Variants in DCAF5 observed in about 807,000 individuals in gnomAD.
DCAF5 encodes DDB1 and CUL4 associated factor 5.
DCAF5 carries 9 observed loss-of-function variants against 80.7 expected under a neutral mutation model. That is an observed-to-expected ratio of 0.11 (90% CI 0.07 to 0.19). DCAF5 has a LOEUF of 0.19. DCAF5 is among the 10% of genes least tolerant of loss of function. The pLI, the probability that DCAF5 is intolerant of heterozygous loss-of-function variation, is 1.00. For missense variants in DCAF5, 842 were observed against 1,205.7 expected (o/e 0.70, Z 4.47); for synonymous variants, 433 against 461.9 (o/e 0.94, Z 0.80).
intron 5 of DCAF5, among the ~76,000 whole-genome samples, chr14:69,099,960 G>T (rs2039893160): frequency 6.6e-6 from 1 of 151,898 alleles, no homozygotes; most frequent in South Asian, 2.1e-4. Flanking sequence ...TTGCAGAAAA[G>T]AAGTTCAAAA....
Position 69,116,455 on chromosome 14 carries a change from A to G in DCAF5, c.576T>C (p.Ser192=). 6.2e-7 allele frequency: 1 copy of G among 1,613,610 alleles called. No homozygotes were observed. The highest frequency in any genetic ancestry group is 8.5e-7 in the Non-Finnish European group (1 of 1,179,620). ...CLANYPSAFH[S]VMFNPVEPRL... Reference sequence around the variant, plus strand: ...TGGGCTCCACAGGGTTAAACATGACACTATGAAAGGCTGATGGATAGTTTG... The same window carrying G: ...TGGGCTCCACAGGGTTAAACATGACGCTATGAAAGGCTGATGGATAGTTTG... The change falls in exon 5 of 9, where the codon AGT becomes AGC. Residue 192 remains serine (S), a synonymous_variant. Transcript: ENST00000341516.
chr14:69,075,428 T>C lies in DCAF5; in HGVS notation c.880-17A>G. The C allele has an allele frequency of 6.6e-7, 1 of 1,517,856 alleles. No individual in the cohort carries two copies. Among genetic ancestry groups the C allele is most frequent in the South Asian group, 1.2e-5 (1 of 82,372 alleles). 94.0% of individuals were successfully genotyped at this position (1,517,856 alleles called of 1,614,324 possible). The stretch of plus-strand genomic sequence containing the variant: ...AAGGATATACTGTTGGAACAAAAAA[T>C]ATATAGATAACATTATATATTATAA... On this transcript the variant is annotated splice_polypyrimidine_tract_variant and intron_variant, in intron 6 of 8. Transcript: ENST00000341516.
intron 7 of DCAF5, among the ~76,000 whole-genome samples, chr14:69,071,421 A>C (rs2038687769): frequency 6.6e-6 from 1 of 152,114 alleles, no homozygotes; most frequent in African/African-American, 2.4e-5. Context: ...TTCTCTCAGC[A>C]CTCGGCACGC....
rs928121043 is a variant in DCAF5, at chr14:69,133,618, C to T, written c.215-11258G>A. 2.0e-5 allele frequency among the ~76,000 whole-genome samples: 3 copies of T among 152,170 alleles called. No individual in the cohort carries two copies. In the East Asian group the frequency reaches 5.8e-4, roughly 29 times the overall value. On this transcript the variant is annotated intron_variant, in intron 1 of 8. Transcript: ENST00000341516. ...GTCACACAAATTTTGCTCTTCACTA[C>T]AGAAGTAGCTATAGGGATAACATCT...
At chr14:69,114,857 A>T (rs1412701082) in intron 5 of DCAF5, among the ~76,000 whole-genome samples, 1 of 152,128 alleles carries the variant, frequency 6.6e-6, no homozygotes, top group Non-Finnish European at 1.5e-5. Flanking sequence ...GGTGGAAGAG[A>T]ATGGGAGAGA....
At chr14:69,089,206 T>A (rs1195793393) in intron 6 of DCAF5, 3 of 152,660 alleles carry the variant, frequency 2.0e-5, no homozygotes, top group African/African-American at 7.2e-5. Flanking sequence ...ACTCAAGATT[T>A]ACTTCAACAA....
intron 6 of DCAF5, among the ~76,000 whole-genome samples, chr14:69,082,025 T>G (rs957914346): frequency 6.6e-6 from 1 of 152,232 alleles, no homozygotes; most frequent in African/African-American, 2.4e-5. Flanking sequence ...AGACTGCTAT[T>G]TAAATTTAAA....
At position 69,101,258 on chromosome 14, in the gene DCAF5, GA is replaced by G. The variant is rs1344679371; in HGVS notation, c.666-9372del. Among the ~76,000 whole-genome samples the G allele has an allele frequency of 2.0e-5, 3 of 152,346 alleles. No individual in the cohort carries two copies. The East Asian group carries it at 5.8e-4, about 29-fold the overall frequency. On this transcript the variant is annotated intron_variant, in intron 5 of 8. Transcript: ENST00000341516. ...ATCAGACTGCAATGCATCAGGGCCAGAAGGATTCATCTAAGTCATTCACTTC... is the reference window on the plus strand; with the variant it reads ...ATCAGACTGCAATGCATCAGGGCCAGAGGATTCATCTAAGTCATTCACTTC...
In DCAF5 at chr14:69,152,829, G is replaced by A. The variant is rs1566798362; in HGVS notation, c.150C>T (p.Leu50=). The A allele has an allele frequency of 3.1e-6, 5 of 1,614,082 alleles. No individual in the cohort carries two copies. The highest frequency in any genetic ancestry group is 4.2e-6 in the Non-Finnish European group (5 of 1,179,988). ...TGGCATTGACACAGCCGAAGTGGCC[G>A]AGGAGGTCCTTCTTGTAGAGGTTTC... is the stretch of plus-strand genomic sequence containing the variant. ...GCRNLYKKDL[L]GHFGCVNAIE... Residue 50 remains leucine (L), a synonymous_variant, in exon 1 of 9, where the codon CTC becomes CTT. Coordinates refer to ENST00000341516, the MANE Select transcript of DCAF5 (RefSeq NM_003861.3). This position sits in a 1 kb window ranked among gnomAD's most constrained non-coding sequence, Gnocchi z 4.1.
At chr14:69,144,299 G>A (rs1264832498) in intron 1 of DCAF5, among the ~76,000 whole-genome samples, 2 of 151,844 alleles carry the variant, frequency 1.3e-5, no homozygotes, top group East Asian at 1.9e-4. Context: ...AAGGCCAGGC[G>A]CGGTGGCTCA....
At chr14:69,064,984 G>C (rs891880760) in intron 7 of DCAF5, among the ~76,000 whole-genome samples, 1 of 151,960 alleles carries the variant, frequency 6.6e-6, no homozygotes, top group Non-Finnish European at 1.5e-5. Flanking sequence ...TTTCTGACTT[G>C]GAACACAATT....
chr14:69,123,063 C>T (rs796914984), intron 1 of DCAF5, among the ~76,000 whole-genome samples: 75 of 151,488 alleles, frequency 5.0e-4, no homozygotes, highest in African/African-American at 1.7e-3. Context: ...CCATAGCAAG[C>T]TCTACACCTC....
chr14:69,140,928 G>A (rs886453764), intron 1 of DCAF5, among the ~76,000 whole-genome samples: 4 of 152,034 alleles, frequency 2.6e-5, no homozygotes, highest in African/African-American at 4.8e-5. Flanking sequence ...TCTGTCAGGA[G>A]TTCGAGACCA....
At chr14:69,128,010 GAA>G (rs1177152126) in intron 1 of DCAF5, among the ~76,000 whole-genome samples, 1 of 151,646 alleles carries the variant, frequency 6.6e-6, no homozygotes, top group Middle Eastern at 3.2e-3. Flanking sequence ...TGTTAAAAAA[GAA>G]AAAAATCCTT....
chr14:69,084,247 T>C lies in DCAF5; in HGVS notation c.879+7427A>G, dbSNP rs1205368978. ...ATGGGTTGATAATGGGTGGCAGTAA[T>C]AGATCTGCTGAAGCACAGAAACTTG... On this transcript the variant is annotated intron_variant, in intron 6 of 8. Coordinates refer to ENST00000341516, the MANE Select transcript of DCAF5 (RefSeq NM_003861.3). 8 of 997,826 alleles carry C rather than the reference T, an allele frequency of 8.0e-6. No individual in the cohort carries two copies. In the African/African-American group the frequency reaches 1.1e-4, roughly 14 times the overall value. 61.8% of individuals were successfully genotyped at this position (997,826 alleles called of 1,614,324 possible). A position where few individuals can be genotyped will look rare whatever the true frequency, so the allele number is the denominator to read the frequency against.
rs2037813120 is a variant in DCAF5 at position 69,053,052 on chromosome 14, T to G, written c.*805A>C. 6.6e-6 allele frequency: 1 copy of G among 152,210 alleles called. No homozygotes were observed. Among genetic ancestry groups the G allele is most frequent in the African/African-American group, 2.4e-5 (1 of 41,450 alleles). 9.4% of individuals were successfully genotyped at this position (152,210 alleles called of 1,614,324 possible). A position where few individuals can be genotyped will look rare whatever the true frequency, so the allele number is the denominator to read the frequency against. ...CTCTTAGGATCTAGCACCTAACTGG[T>G]TAAAGTCTGTTATCCATGACTAGCT... On this transcript the variant is annotated 3_prime_UTR_variant, in exon 9 of 9. Transcript: ENST00000341516.
rs2037926484 is a variant in DCAF5, at chr14:69,055,351, T to C, written c.1335A>G (p.Gln445=). ...DSDLSESTIL[Q]LHAGVSERSG... ...AGCGCTCGCTGACCCCAGCGTGCAG[T>C]TGGAGGATAGTACTCTCACTGAGGT... The change falls in exon 9 of 9, where the codon CAA becomes CAG. Residue 445 remains glutamine (Q), a synonymous_variant. Transcript: ENST00000341516. The surrounding 1 kb of genome is among the most constrained non-coding windows in gnomAD (Gnocchi z 5.6). 8 of 1,614,104 alleles carry C rather than the reference T, an allele frequency of 5.0e-6. No individual in the cohort carries two copies. The highest frequency in any genetic ancestry group is 2.2e-5 in the East Asian group (1 of 44,870).
chr14:69,081,476 T>C (rs1566737560), intron 6 of DCAF5, among the ~76,000 whole-genome samples: 1 of 152,326 alleles, frequency 6.6e-6, no homozygotes, highest in East Asian at 1.9e-4. Flanking sequence ...GAGGGCAAGC[T>C]ATTTACTGAT....
In DCAF5 at chr14:69,072,565, T is replaced by C. The variant is rs35586847; in HGVS notation, c.946+2780A>G. On this transcript the variant is annotated intron_variant, in intron 7 of 8. Coordinates refer to ENST00000341516, the MANE Select transcript of DCAF5 (RefSeq NM_003861.3). ...CAAGGCTGTATGCAGTATGCTATGA[T>C]TGTGCCTGTGAATAGCCACTGCACT... is the stretch of plus-strand genomic sequence containing the variant. 1.0e-2 allele frequency among the ~76,000 whole-genome samples: 1,488 copies of C among 149,288 alleles called. 20 individuals carry two copies. The highest frequency in any genetic ancestry group is 0.012 in the Non-Finnish European group (798 of 67,670).
Sources: allele counts gnomAD v4.1 joint callset (sites outside exome capture counted in the v4.1 genomes callset), GRCh38; gene constraint gnomAD v4.1.1; non-coding constraint Gnocchi (gnomAD v3.1); transcripts MANE v1.5; gene names NCBI Gene and HGNC (gene_info 2026-07-23, HGNC 2026-07-21).